CACNA2D3: variants seen among roughly 807,000 people sequenced by gnomAD.
CACNA2D3 encodes voltage-dependent calcium channel subunit alpha-2/delta-3.
A neutral mutation model predicts 160.6 loss-of-function variants in CACNA2D3; 60 were observed. That is an observed-to-expected ratio of 0.37 (90% confidence interval 0.30 to 0.46). CACNA2D3 has a LOEUF of 0.46. Ranked by LOEUF, CACNA2D3 falls within the 20% of genes least tolerant of loss-of-function variation. The pLI is 1.00. For missense variants in CACNA2D3, 1,205 were observed against 1,365.0 expected, an observed-to-expected ratio of 0.88 and a Z score of 1.85; for synonymous variants, 558 against 492.9, an observed-to-expected ratio of 1.13 and a Z score of -1.75.
intron 35 of CACNA2D3, among the ~76,000 whole-genome samples, chr3:55,033,132 C>T (rs931920880): frequency 6.6e-6 from 1 of 152,078 alleles, no homozygotes; most frequent in Non-Finnish European, 1.5e-5. Context: ...AGGGGGCTTG[C>T]CTGAGGTCCT....
intron 2 of CACNA2D3, among the ~76,000 whole-genome samples, chr3:54,271,370 A>T (rs987868062): frequency 3.9e-5 from 6 of 152,254 alleles, no homozygotes; most frequent in Middle Eastern, 3.4e-3. Flanking sequence ...ATGGCCCTCC[A>T]GGAAGTCACC....
At chr3:54,569,224 A>T (rs1702455169) in intron 6 of CACNA2D3, among the ~76,000 whole-genome samples, 2 of 152,330 alleles carry the variant, frequency 1.3e-5, no homozygotes, top group Middle Eastern at 3.4e-3. Flanking sequence ...TGAAATTCAA[A>T]CTTTATTATG....
chr3:54,786,584 C>G lies in CACNA2D3; in HGVS notation c.1380+22233C>G, dbSNP rs187983661. On this transcript the variant is annotated intron_variant, in intron 13 of 37. Coordinates refer to ENST00000474759, the MANE Select transcript of CACNA2D3 (RefSeq NM_018398.3). ...CCAAGTCTCTCATGTCCACAGTCTTCCTTGGCCTAGGCTTTATAGATATTT... is the reference window on the plus strand; with the variant it reads ...CCAAGTCTCTCATGTCCACAGTCTTGCTTGGCCTAGGCTTTATAGATATTT... 4.2e-3 allele frequency among the ~76,000 whole-genome samples: 641 copies of G among 152,250 alleles called. 4 individuals are homozygous for G. Among genetic ancestry groups the G allele is most frequent in the Non-Finnish European group, 6.7e-3 (456 of 68,026 alleles).
chr3:54,628,489 G>T (rs772929778), intron 10 of CACNA2D3, among the ~76,000 whole-genome samples: 2 of 152,114 alleles, frequency 1.3e-5, no homozygotes, highest in Non-Finnish European at 2.9e-5. Flanking sequence ...GCCATTGGAG[G>T]GTCTAGGCAG....
chr3:54,835,873 G>T (rs965476327), intron 14 of CACNA2D3, among the ~76,000 whole-genome samples: 1 of 152,176 alleles, frequency 6.6e-6, no homozygotes. Context: ...GGCATCCTTT[G>T]AGCACTTCCA....
chr3:54,768,252 CG>C (rs1415899271), intron 13 of CACNA2D3, among the ~76,000 whole-genome samples: 2 of 152,100 alleles, frequency 1.3e-5, no homozygotes, highest in African/African-American at 4.8e-5. Context: ...ACATCTTGAG[CG>C]GGTCCTCAAA....
chr3:54,167,948 T>C (rs1270694914), intron 2 of CACNA2D3, among the ~76,000 whole-genome samples: 6 of 152,374 alleles, frequency 3.9e-5, no homozygotes, highest in African/African-American at 1.4e-4. Flanking sequence ...TCTCCATGAA[T>C]GACAGTCCCT....
intron 4 of CACNA2D3, among the ~76,000 whole-genome samples, chr3:54,419,623 C>G (rs1699807933): frequency 6.6e-6 from 1 of 152,096 alleles, no homozygotes; most frequent in Non-Finnish European, 1.5e-5. Flanking sequence ...TCTGGGACCT[C>G]CTGAGTTAAA....
intron 2 of CACNA2D3, among the ~76,000 whole-genome samples, chr3:54,152,578 G>T (rs1700171657): frequency 6.6e-6 from 1 of 152,186 alleles, no homozygotes; most frequent in African/African-American, 2.4e-5. Context: ...CCTGGGCGAT[G>T]GACGCACTGA....
intron 27 of CACNA2D3, among the ~76,000 whole-genome samples, chr3:54,944,396 G>GTATGTATT (rs1553924822): frequency 2.7e-5 from 4 of 148,538 alleles, no homozygotes; most frequent in African/African-American, 1.0e-4. Flanking sequence ...ATTTCCCAGG[G>GTATGTATT]TATTTATTTA....
intron 2 of CACNA2D3, among the ~76,000 whole-genome samples, chr3:54,255,884 C>A (rs1050341924): frequency 6.6e-6 from 1 of 152,070 alleles, no homozygotes; most frequent in East Asian, 1.9e-4. Context: ...ATTTTACCCC[C>A]CTGTATAGAA....
chr3:54,735,145 C>T (rs565990744), intron 11 of CACNA2D3, among the ~76,000 whole-genome samples: 5 of 152,240 alleles, frequency 3.3e-5, no homozygotes, highest in Non-Finnish European at 2.9e-5. Context: ...TACACATTTC[C>T]TGGACTTCTT....
chr3:54,826,018 T>C (rs1264471512), intron 14 of CACNA2D3, among the ~76,000 whole-genome samples: 1 of 152,182 alleles, frequency 6.6e-6, no homozygotes, highest in Non-Finnish European at 1.5e-5. Flanking sequence ...ACAATACAAA[T>C]CGAATTTTCT....
At chr3:54,488,841 T>C (rs1474573058) in intron 4 of CACNA2D3, among the ~76,000 whole-genome samples, 1 of 152,076 alleles carries the variant, frequency 6.6e-6, no homozygotes, top group African/African-American at 2.4e-5. Context: ...CGATGACCCC[T>C]GGGATAAGTA....
intron 5 of CACNA2D3, among the ~76,000 whole-genome samples, chr3:54,534,306 G>A (rs535679083): frequency 6.6e-6 from 1 of 152,150 alleles, no homozygotes; most frequent in Non-Finnish European, 1.5e-5. Context: ...AATAATAATT[G>A]TGTGTAGTTC....
intron 27 of CACNA2D3, among the ~76,000 whole-genome samples, chr3:54,916,570 C>T (rs1052295232): frequency 1.8e-4 from 27 of 152,330 alleles, no homozygotes; most frequent in African/African-American, 6.0e-4. Context: ...AGCAAAATTG[C>T]TGCTCCAGAA....
At chr3:54,623,616 G>A (rs1699036730) in intron 9 of CACNA2D3, among the ~76,000 whole-genome samples, 2 of 152,142 alleles carry the variant, frequency 1.3e-5, no homozygotes, top group African/African-American at 4.8e-5. Flanking sequence ...CTCACCATTA[G>A]TCCATGGCTT....
At chr3:54,998,376 G>A (rs192449233) in intron 31 of CACNA2D3, among the ~76,000 whole-genome samples, 3 of 152,136 alleles carry the variant, frequency 2.0e-5, no homozygotes, top group South Asian at 4.2e-4. Flanking sequence ...TCAAGTGATC[G>A]GCCCACCTTG....
At chr3:54,900,090 A>G (rs567820601) in intron 27 of CACNA2D3, among the ~76,000 whole-genome samples, 31 of 152,284 alleles carry the variant, frequency 2.0e-4, no homozygotes, top group African/African-American at 7.0e-4. Flanking sequence ...CAGCGTTTCT[A>G]TCCTTAAACT....
Sources: gnomAD v4.1 joint callset for allele counts (sites outside exome capture counted in the v4.1 genomes callset) on GRCh38, gnomAD v4.1.1 for gene constraint, MANE v1.5 for transcripts, NCBI Gene and HGNC (gene_info 2026-07-23, HGNC 2026-07-21) for gene names.